ATP10A: variants seen among roughly 807,000 people sequenced by gnomAD.
ATP10A encodes the protein ATPase phospholipid transporting 10A (putative).
ATP10A carries 111 observed loss-of-function variants against 147.8 expected under a neutral mutation model. The ratio of observed to expected loss-of-function variants is 0.75; its 90% CI spans 0.64 to 0.88. ATP10A has a LOEUF of 0.88. Among genes scored for constraint, ATP10A ranks in the 40% least tolerant of loss-of-function variants. The pLI is 0.00. For missense variants in ATP10A, 1,927 were observed against 1,959.0 expected (o/e 0.98, Z 0.31); for synonymous variants, 875 against 841.6 (o/e 1.04, Z -0.69).
In ATP10A at chr15:25,798,378, C is replaced by T. The variant is rs146981929; in HGVS notation, c.450-17155G>A. ...GGGAAACCAGTGCCTGTCCAGCCCT[C>T]CCCCTGCCCCAGGCAGTCTGAAGTC... On this transcript the variant is annotated intron_variant, in intron 1 of 20. Transcript: ENST00000555815. Among the ~76,000 whole-genome samples, 760 of 152,286 alleles carry T rather than the reference C, an allele frequency of 5.0e-3. 7 individuals are homozygous for T. Among genetic ancestry groups the T allele is most frequent in the African/African-American group, 0.017 (727 of 41,560 alleles).
chr15:25,721,956 A>T (rs1421242505), intron 6 of ATP10A, 47 bp from the exon 7 acceptor site: 1 of 1,570,138 alleles, frequency 6.4e-7, no homozygotes, highest in African/African-American at 1.4e-5. Context: ...AGGACCAGGG[A>T]GCTGGGGAAT....
intron 1 of ATP10A, among the ~76,000 whole-genome samples, chr15:25,839,484 CA>C (rs1426499222): frequency 1.3e-5 from 2 of 152,114 alleles, no homozygotes; most frequent in Admixed American, 1.3e-4. Context: ...TGCCGTTGAC[CA>C]AGATCTTCAT....
rs758724428 is a variant in ATP10A, at chr15:25,718,340, C to A, written c.1423G>T (p.Gly475Trp). The A allele has an allele frequency of 6.2e-6, 10 of 1,610,486 alleles. No homozygotes were observed. Among genetic ancestry groups the A allele is most frequent in the Non-Finnish European group, 8.5e-6 (10 of 1,179,562 alleles). The change falls in exon 8 of 21, where the codon GGG becomes TGG. Residue 475 changes from glycine (G) to tryptophan (W), a missense_variant. Physicochemically the swap from Gly to Trp is radical, Grantham distance 184. Coordinates refer to ENST00000555815, the MANE Select transcript of ATP10A (RefSeq NM_024490.4). ...CTGCCGCGCTGGGACACCGAGCCCCCTCTGGGCACCACCTCCTCCTCCTCC... is the reference window on the plus strand; with the variant it reads ...CTGCCGCGCTGGGACACCGAGCCCCATCTGGGCACCACCTCCTCCTCCTCC... ...DSEEEEVVPRGGSVSQRGSIG... is the reference protein window; with the variant it reads ...DSEEEEVVPRWGSVSQRGSIG...
chr15:25,832,021 C>T (rs980528544), intron 1 of ATP10A, among the ~76,000 whole-genome samples: 6 of 152,140 alleles, frequency 3.9e-5, no homozygotes, highest in African/African-American at 1.4e-4. Flanking sequence ...ATGGCGGGCC[C>T]TAACCCAATG....
chr15:25,745,088 G>A (rs537685798), intron 2 of ATP10A, among the ~76,000 whole-genome samples: 1 of 152,354 alleles, frequency 6.6e-6, no homozygotes, highest in Non-Finnish European at 1.5e-5. Context: ...CACTTTGGGA[G>A]GCTGAGGCAG....
chr15:25,759,642 C>T (rs1888645438), intron 2 of ATP10A, among the ~76,000 whole-genome samples: 1 of 151,998 alleles, frequency 6.6e-6, no homozygotes, highest in Admixed American at 6.6e-5. Context: ...CCTATGTCTA[C>T]ACAAAGTTTT....
chr15:25,682,131 G>A (rs1318673036), intron 17 of ATP10A, among the ~76,000 whole-genome samples: 1 of 150,940 alleles, frequency 6.6e-6, no homozygotes. Flanking sequence ...GTAGGAAGTA[G>A]GAATAGCACC....
chr15:25,743,334 A>G (rs1887669780), intron 2 of ATP10A, among the ~76,000 whole-genome samples: 1 of 152,264 alleles, frequency 6.6e-6, no homozygotes, highest in East Asian at 1.9e-4. Context: ...ATTCAAAAGA[A>G]AAGTTATCCA....
chr15:25,680,992 A>C lies in ATP10A; in HGVS notation c.3573+2T>G. 1 of 1,614,126 alleles carries C rather than the reference A, an allele frequency of 6.2e-7. No individual in the cohort carries two copies. The highest frequency in any genetic ancestry group is 8.5e-7 in the Non-Finnish European group (1 of 1,179,970). ...AAAAACTGCACCCAGGGGCCAACTTACCAGGTAAGGAATGGAAAAGCAAAC... is the reference window on the plus strand; with the variant it reads ...AAAAACTGCACCCAGGGGCCAACTTCCCAGGTAAGGAATGGAAAAGCAAAC... On this transcript the variant is annotated splice_donor_variant, in intron 18 of 20. Transcript: ENST00000555815. LOFTEE classifies it high-confidence loss of function.
chr15:25,694,962 G>C lies in ATP10A; in HGVS notation c.2945C>G (p.Ala982Gly). The C allele has an allele frequency of 1.2e-6, 2 of 1,614,240 alleles. No individual in the cohort carries two copies. The highest frequency in any genetic ancestry group is 8.5e-7 in the Non-Finnish European group (1 of 1,180,052). ...LVIDGRSLAY[A>G]LEKNLEDKFL... ...TTTGTCCTCCAGGTTTTTCTCGAGA[G>C]CGTAGGCCAGGCTTCTCCCATCGAT... The change falls in exon 14 of 21, where the codon GCT (alanine) becomes GGT (glycine). Residue 982 changes from alanine to glycine, a missense_variant. Physicochemically the swap from Ala to Gly is moderately conservative, Grantham distance 60. Coordinates refer to ENST00000555815, the MANE Select transcript of ATP10A (RefSeq NM_024490.4).
At chr15:25,753,313 T>C (rs1888248389) in intron 2 of ATP10A, among the ~76,000 whole-genome samples, 1 of 152,214 alleles carries the variant, frequency 6.6e-6, no homozygotes, top group Admixed American at 6.5e-5. Context: ...TTGCTTTGCA[T>C]TCCACATATA....
At chr15:25,672,747 A>C (rs117527727), downstream of ATP10A, among the ~76,000 whole-genome samples, 297 of 152,290 alleles carry the variant, frequency 2.0e-3, 1 homozygote, top group Middle Eastern at 3.4e-3. Context: ...AGTGATGTTG[A>C]GTATGCCTTG....
chr15:25,679,865 C>T lies in ATP10A; in HGVS notation c.3976G>A (p.Ala1326Thr), dbSNP rs141308074. The T allele has an allele frequency of 8.7e-6, 14 of 1,610,284 alleles. No homozygotes were observed. Among genetic ancestry groups the T allele is most frequent in the Admixed American group, 1.7e-5 (1 of 60,016 alleles). The change falls in exon 21 of 21, where the codon GCT (alanine) becomes ACT (threonine). Residue 1326 changes from alanine (A) to threonine (T), a missense_variant. Coordinates refer to ENST00000555815, the MANE Select transcript of ATP10A (RefSeq NM_024490.4). ...GAGTCCTTCGGGAGGCGTCCCTGAG[C>T]AAAGGTCTCTTTGGGAGCACTGCAT... ...RRCSAPKETF[A>T]QGRLPKDSGT...
Position 25,713,914 on chromosome 15 carries a change from C to G in ATP10A, c.2104G>C (p.Ala702Pro). The G allele has an allele frequency of 6.2e-7, 1 of 1,612,826 alleles. No individual in the cohort carries two copies. The highest frequency in any genetic ancestry group is 1.1e-5 in the South Asian group (1 of 91,084). ...TAGGCTCTGGCCGCATACACCAGTGCGGCCTCATCCGGGCTCTCCGCCTCG... is the reference window on the plus strand; with the variant it reads ...TAGGCTCTGGCCGCATACACCAGTGGGGCCTCATCCGGGCTCTCCGCCTCG... The part of the protein sequence containing the change: ...RYEAESPDEA[A>P]LVYAARAYNC... The change falls in exon 10 of 21, where the codon GCA (alanine) becomes CCA (proline). Residue 702 changes from alanine (A) to proline (P), a missense_variant. Physicochemically the swap from Ala to Pro is conservative, Grantham distance 27. Transcript: ENST00000555815.
chr15:25,799,807 C>T (rs1203270676), intron 1 of ATP10A, among the ~76,000 whole-genome samples: 1 of 152,182 alleles, frequency 6.6e-6, no homozygotes, highest in Non-Finnish European at 1.5e-5. Context: ...TGAGGGAATC[C>T]AGTCCAAACA....
At chr15:25,724,728 C>A (rs1902440197) in intron 5 of ATP10A, among the ~76,000 whole-genome samples, 1 of 152,222 alleles carries the variant, frequency 6.6e-6, no homozygotes, top group African/African-American at 2.4e-5. Flanking sequence ...GTTACTGATA[C>A]TTCTTCCCCT....
chr15:25,786,184 G>C (rs147085539), intron 1 of ATP10A, among the ~76,000 whole-genome samples: 1 of 152,166 alleles, frequency 6.6e-6, no homozygotes, highest in Non-Finnish European at 1.5e-5. Context: ...GCCAGCACAC[G>C]GCATCAGGGT....
intron 1 of ATP10A, among the ~76,000 whole-genome samples, chr15:25,786,792 G>GTTTT (rs60057456): frequency 0.01 from 1,376 of 135,244 alleles, 26 homozygotes; most frequent in Middle Eastern, 0.027. Context: ...TGCCCAGCTA[G>GTTTT]TTTTTTTTTT....
At chr15:25,672,281 T>C (rs1000548612), downstream of ATP10A, among the ~76,000 whole-genome samples, 1 of 152,242 alleles carries the variant, frequency 6.6e-6, no homozygotes, top group African/African-American at 2.4e-5. Context: ...CAGTTTCCTG[T>C]CCTCTAGGTT....
Sources: gnomAD v4.1 joint callset for allele counts (sites outside exome capture counted in the v4.1 genomes callset) on GRCh38, gnomAD v4.1.1 for gene constraint, MANE v1.5 for transcripts, NCBI Gene and HGNC (gene_info 2026-07-23, HGNC 2026-07-21) for gene names.